ATP13A4: variants seen among roughly 807,000 people sequenced by gnomAD.
ATP13A4 encodes the protein ATPase 13A4.
In ATP13A4, 114 loss-of-function variants were observed where a neutral mutation model predicts 142.5. The ratio of observed to expected loss-of-function variants is 0.80; its 90% confidence interval spans 0.69 to 0.93. The LOEUF is 0.93. ATP13A4 is among the 40% of genes least tolerant of loss of function. The pLI is 0.00. For missense variants in ATP13A4, 1,392 were observed against 1,454.0 expected, an observed-to-expected ratio of 0.96 and a Z score of 0.69; for synonymous variants, 488 against 514.8, an observed-to-expected ratio of 0.95 and a Z score of 0.70.
chr3:193,578,331 CTA>C (rs761134403), intron 2 of ATP13A4, among the ~76,000 whole-genome samples: 1 of 146,850 alleles, frequency 6.8e-6, no homozygotes, highest in African/African-American at 2.7e-5. Context: ...ATATCTATAT[CTA>C]TATCTATATC....
chr3:193,402,613 T>C lies in ATP13A4; in HGVS notation c.*39A>G. The C allele has an allele frequency of 1.2e-6, 1 of 803,318 alleles. No homozygotes were observed. Among genetic ancestry groups the C allele is most frequent in the Non-Finnish European group, 2.3e-6 (1 of 439,308 alleles). The allele number at this position is 803,318 out of a possible 1,614,324, so 49.8% of individuals were successfully genotyped here. On this transcript the variant is annotated 3_prime_UTR_variant, in exon 30 of 30. Coordinates refer to ENST00000342695, the MANE Select transcript of ATP13A4 (RefSeq NM_032279.4). Reference sequence around the variant, plus strand: ...TCAATGAAACTGGTCCCTTTTGTCATTGTTTCTCTGTAATATCAACTTGGA... The same window carrying C: ...TCAATGAAACTGGTCCCTTTTGTCACTGTTTCTCTGTAATATCAACTTGGA...
intron 16 of ATP13A4, 54 bp from the exon 17 acceptor site, chr3:193,454,266 G>A (rs1341026018): frequency 7.4e-7 from 1 of 1,343,112 alleles, no homozygotes; most frequent in East Asian, 2.3e-5. Flanking sequence ...AGGCAGTACT[G>A]GCAAAGAAAT....
chr3:193,408,110 T>C (rs938321612), intron 28 of ATP13A4, among the ~76,000 whole-genome samples: 1 of 152,224 alleles, frequency 6.6e-6, no homozygotes, highest in Non-Finnish European at 1.5e-5. Flanking sequence ...AATTAATGAA[T>C]GAAAAAGTGC....
At chr3:193,536,463 A>AAAC (rs1289007499) in intron 1 of ATP13A4, among the ~76,000 whole-genome samples, 2 of 152,218 alleles carry the variant, frequency 1.3e-5, no homozygotes, top group South Asian at 4.1e-4. Flanking sequence ...CATGATTTTA[A>AAAC]AACTCTCAAA....
intron 8 of ATP13A4, among the ~76,000 whole-genome samples, chr3:193,476,805 T>G (rs1718990255): frequency 6.6e-6 from 1 of 151,964 alleles, no homozygotes; most frequent in African/African-American, 2.4e-5. Flanking sequence ...AATGGCCAGT[T>G]GGTGAACATC....
intron 2 of ATP13A4, among the ~76,000 whole-genome samples, chr3:193,576,098 A>G (rs1323867155): frequency 6.6e-6 from 1 of 152,118 alleles, no homozygotes; most frequent in African/African-American, 2.4e-5. Context: ...TAAAATGTCA[A>G]TAGTGCCAAG....
At chr3:193,547,679 T>A (rs1176267566) in intron 1 of ATP13A4, among the ~76,000 whole-genome samples, 2 of 152,214 alleles carry the variant, frequency 1.3e-5, no homozygotes, top group African/African-American at 2.4e-5. Context: ...ACTTTCATTA[T>A]ATTTGTAGCC....
chr3:193,563,888 C>A (rs569774575), intron 2 of ATP13A4, among the ~76,000 whole-genome samples: 157 of 152,210 alleles, frequency 1.0e-3, no homozygotes, highest in Non-Finnish European at 1.2e-3. Context: ...CTTGGGGCAA[C>A]CCCTGCTGTT....
intron 1 of ATP13A4, among the ~76,000 whole-genome samples, chr3:193,543,250 A>T (rs1352045755): frequency 6.6e-6 from 1 of 152,176 alleles, no homozygotes; most frequent in African/African-American, 2.4e-5. Flanking sequence ...CAAAAACTTC[A>T]AAAGCAATTG....
chr3:193,436,514 G>A (rs1160462497), intron 23 of ATP13A4, among the ~76,000 whole-genome samples: 1 of 151,650 alleles, frequency 6.6e-6, no homozygotes, highest in Non-Finnish European at 1.5e-5. Context: ...GTGGCATGAT[G>A]TCAGCTCACT....
chr3:193,459,308 C>G (rs1438745675), intron 13 of ATP13A4, 77 bp from the exon 14 acceptor site: 2 of 1,540,954 alleles, frequency 1.3e-6, no homozygotes, highest in Non-Finnish European at 1.8e-6. Context: ...GAACAAACAT[C>G]TTTATAAAAA....
chr3:193,492,865 C>A (rs370131809), intron 5 of ATP13A4, 52 bp downstream of exon 5: 3 of 1,355,770 alleles, frequency 2.2e-6, no homozygotes, highest in Non-Finnish European at 3.2e-6. Context: ...GTCTATTTGG[C>A]TAACTGATAA....
At chr3:193,474,292 C>G (rs75779485) in intron 8 of ATP13A4, among the ~76,000 whole-genome samples, 1,994 of 132,274 alleles carry the variant, frequency 0.015, 35 homozygotes, top group East Asian at 0.1. Flanking sequence ...GCACTGCACT[C>G]CAGCCTGGTG....
At chr3:193,489,260 T>C (rs1719809274) in intron 7 of ATP13A4, among the ~76,000 whole-genome samples, 1 of 152,144 alleles carries the variant, frequency 6.6e-6, no homozygotes, top group African/African-American at 2.4e-5. Context: ...ATGTAATTTT[T>C]TTTTTCCAAC....
intron 8 of ATP13A4, among the ~76,000 whole-genome samples, chr3:193,472,259 G>GC (rs1461143438): frequency 1.3e-5 from 2 of 152,204 alleles, no homozygotes; most frequent in Non-Finnish European, 2.9e-5. Flanking sequence ...GCACCATTCT[G>GC]AGTAGTGATT....
intron 1 of ATP13A4, among the ~76,000 whole-genome samples, chr3:193,586,559 T>C (rs1724676196): frequency 6.6e-6 from 1 of 152,258 alleles, no homozygotes; most frequent in Non-Finnish European, 1.5e-5. Context: ...GTGTAGTATG[T>C]GTATAGTATA....
intron 8 of ATP13A4, among the ~76,000 whole-genome samples, chr3:193,478,085 C>G (rs1719072488): frequency 6.6e-6 from 1 of 152,052 alleles, no homozygotes; most frequent in Non-Finnish European, 1.5e-5. Context: ...AAATATGTTA[C>G]TAAGTCAATT....
chr3:193,439,759 A>G (rs762871223), intron 21 of ATP13A4, among the ~76,000 whole-genome samples: 9 of 152,220 alleles, frequency 5.9e-5, no homozygotes, highest in Non-Finnish European at 1.2e-4. Context: ...CATTCATAAA[A>G]CATGCTATAC....
At chr3:193,549,913 G>T (rs1273104820) in intron 1 of ATP13A4, among the ~76,000 whole-genome samples, 1 of 152,138 alleles carries the variant, frequency 6.6e-6, no homozygotes, top group Non-Finnish European at 1.5e-5. Flanking sequence ...GAATAATCTT[G>T]TTTTGCCATG....
Sources: allele counts gnomAD v4.1 joint callset (sites outside exome capture counted in the v4.1 genomes callset), GRCh38; gene constraint gnomAD v4.1.1; transcripts MANE v1.5; gene names NCBI Gene and HGNC (gene_info 2026-07-23, HGNC 2026-07-21).